Variants in MSRA observed in about 807,000 individuals in gnomAD.
The protein encoded by MSRA is mitochondrial peptide methionine sulfoxide reductase.
MSRA carries 54 observed loss-of-function variants against 31.3 expected under a neutral mutation model. The ratio of observed to expected loss-of-function variants is 1.73; its 90% CI spans 1.39 to 2.17. MSRA has a LOEUF of 2.17. MSRA is among the 30% of genes most tolerant of loss of function. The pLI is 0.00. For missense variants in MSRA, 507 were observed against 300.9 expected, an observed-to-expected ratio of 1.69 and a Z score of -5.07; for synonymous variants, 169 against 116.5, an observed-to-expected ratio of 1.45 and a Z score of -2.90.
At chr8:10,375,579 C>G (rs1196952254) in intron 5 of MSRA, among the ~76,000 whole-genome samples, 1 of 152,122 alleles carries the variant, frequency 6.6e-6, no homozygotes, top group Non-Finnish European at 1.5e-5. Flanking sequence ...GCCAGGGAGT[C>G]AAGGATTCGA....
At chr8:10,166,513 GTGTGTGTGTGCATA>G (rs949379576) in intron 1 of MSRA, among the ~76,000 whole-genome samples, 5 of 152,098 alleles carry the variant, frequency 3.3e-5, no homozygotes, top group African/African-American at 9.7e-5. Flanking sequence ...ATGTGCATTT[GTGTGTGTGTGCATA>G]TGTGTGTGTG....
At chr8:10,276,427 T>C (rs554818171) in intron 3 of MSRA, among the ~76,000 whole-genome samples, 5 of 152,380 alleles carry the variant, frequency 3.3e-5, no homozygotes, top group African/African-American at 1.2e-4. Context: ...TTCTTGTTTC[T>C]GTAAGGACCT....
chr8:10,187,287 C>T (rs539002534), intron 1 of MSRA, among the ~76,000 whole-genome samples: 1 of 152,296 alleles, frequency 6.6e-6, no homozygotes, highest in South Asian at 2.1e-4. Context: ...TTCCTTTTTA[C>T]TCATTCTTGG....
intron 1 of MSRA, among the ~76,000 whole-genome samples, chr8:10,123,665 CTT>C (rs1801289425): frequency 6.6e-6 from 1 of 151,984 alleles, no homozygotes; most frequent in Admixed American, 6.6e-5. Context: ...TTTGAGTTGA[CTT>C]TTTCTATGTG....
At chr8:10,254,630 A>G (rs906753752) in intron 3 of MSRA, among the ~76,000 whole-genome samples, 2 of 152,216 alleles carry the variant, frequency 1.3e-5, no homozygotes, top group African/African-American at 4.8e-5. Flanking sequence ...GCCAGGGGTC[A>G]GAGACACTTG....
At chr8:10,098,620 A>G (rs984761427) in intron 1 of MSRA, among the ~76,000 whole-genome samples, 1 of 152,230 alleles carries the variant, frequency 6.6e-6, no homozygotes, top group Non-Finnish European at 1.5e-5. Context: ...TCAACAAAGT[A>G]TGTTCACTTT....
At chr8:10,068,205 C>G (rs75691029) in intron 1 of MSRA, among the ~76,000 whole-genome samples, 2,746 of 152,170 alleles carry the variant, frequency 0.018, 43 homozygotes, top group Non-Finnish European at 0.028. Flanking sequence ...TTTAAGAGCT[C>G]TTTGTATATT....
intron 1 of MSRA, among the ~76,000 whole-genome samples, chr8:10,200,538 G>A (rs1020154608): frequency 3.3e-5 from 5 of 152,150 alleles, no homozygotes; most frequent in African/African-American, 1.2e-4. Context: ...CCCAGCTGCT[G>A]GTTGTCGCTT....
intron 1 of MSRA, among the ~76,000 whole-genome samples, chr8:10,173,568 C>G (rs988288276): frequency 1.3e-5 from 2 of 152,306 alleles, no homozygotes; most frequent in African/African-American, 4.8e-5. Flanking sequence ...TACAACTGTT[C>G]TCCAGGCATC....
At chr8:10,174,809 G>C (rs1035530705) in intron 1 of MSRA, among the ~76,000 whole-genome samples, 3 of 152,110 alleles carry the variant, frequency 2.0e-5, no homozygotes, top group Admixed American at 2.0e-4. Flanking sequence ...GCCCTCCGAC[G>C]CTGAGTTTCT....
intron 3 of MSRA, among the ~76,000 whole-genome samples, chr8:10,252,166 C>T (rs758209428): frequency 2.0e-5 from 3 of 152,242 alleles, no homozygotes; most frequent in Non-Finnish European, 4.4e-5. Flanking sequence ...AGTAAGGGAA[C>T]TGAGGCTGAG....
intron 5 of MSRA, chr8:10,353,522 C>A: frequency 6.8e-6 from 3 of 442,388 alleles, no homozygotes; most frequent in South Asian, 4.9e-5. Flanking sequence ...AGCAGTTGGT[C>A]CCCTGCAGAG....
intron 4 of MSRA, among the ~76,000 whole-genome samples, chr8:10,305,187 G>C (rs1231954566): frequency 6.6e-6 from 1 of 152,166 alleles, no homozygotes; most frequent in Non-Finnish European, 1.5e-5. Context: ...TATCTACAGT[G>C]ATATTTGCAA....
intron 1 of MSRA, among the ~76,000 whole-genome samples, chr8:10,204,691 C>G (rs1297374543): frequency 6.6e-6 from 1 of 152,110 alleles, no homozygotes; most frequent in Non-Finnish European, 1.5e-5. Context: ...TGAATATATC[C>G]CTGTTGTTAA....
chr8:10,268,549 A>G (rs1425051664), intron 3 of MSRA, among the ~76,000 whole-genome samples: 1 of 152,220 alleles, frequency 6.6e-6, no homozygotes, highest in East Asian at 1.9e-4. Flanking sequence ...TCTCCCTATC[A>G]TCTAGACTAG....
At chr8:10,329,364 C>T (rs1802560554) in intron 5 of MSRA, among the ~76,000 whole-genome samples, 1 of 152,216 alleles carries the variant, frequency 6.6e-6, no homozygotes, top group Admixed American at 6.5e-5. Flanking sequence ...CATGCATGGC[C>T]TGTGGCTGCA....
At chr8:10,216,857 G>A (rs777691568) in intron 2 of MSRA, among the ~76,000 whole-genome samples, 2 of 152,176 alleles carry the variant, frequency 1.3e-5, no homozygotes, top group East Asian at 1.9e-4. Flanking sequence ...ATAAGGCTGC[G>A]ATGAACCTGA....
intron 5 of MSRA, among the ~76,000 whole-genome samples, chr8:10,410,551 A>T (rs929275934): frequency 1.3e-5 from 2 of 152,172 alleles, no homozygotes. Flanking sequence ...TCAAAACAGC[A>T]CTGAGAGGTA....
intron 1 of MSRA, among the ~76,000 whole-genome samples, chr8:10,136,061 T>G (rs1301841412): frequency 6.6e-6 from 1 of 152,136 alleles, no homozygotes; most frequent in Non-Finnish European, 1.5e-5. Flanking sequence ...CTTAGGCCTG[T>G]GTGGCATCTG....
Sources: gnomAD v4.1 joint callset for allele counts (sites outside exome capture counted in the v4.1 genomes callset) on GRCh38, gnomAD v4.1.1 for gene constraint, MANE v1.5 for transcripts, NCBI Gene and HGNC (gene_info 2026-07-23, HGNC 2026-07-21) for gene names.